The following PALLD variants were observed in gnomAD, a reference collection of about 807,000 sequenced individuals.
The protein encoded by PALLD is palladin, cytoskeletal associated protein, also known as palladin.
A neutral mutation model predicts 123.5 loss-of-function variants in PALLD; 61 were observed. The observed-to-expected ratio is 0.49, with a 90% CI of 0.40 to 0.61. PALLD has a LOEUF of 0.61. Ranked by LOEUF, PALLD falls within the 20% of genes least tolerant of loss-of-function variation. The probability of loss-of-function intolerance (pLI) is 0.00; values close to 1 mark genes in which losing one functional copy is unlikely to be tolerated. For synonymous variants in PALLD, 465 were observed against 496.4 expected, an observed-to-expected ratio of 0.94 and a Z score of 0.84; for missense variants, 1,273 against 1,377.0, an observed-to-expected ratio of 0.92 and a Z score of 1.20.
At chr4:168,839,570 G>C (rs539741911) in intron 10 of PALLD, among the ~76,000 whole-genome samples, 41 of 143,492 alleles carry the variant, frequency 2.9e-4, no homozygotes, top group South Asian at 7.3e-4. Flanking sequence ...GTGTTGGTGG[G>C]ATGGGAGGGG....
intron 2 of PALLD, among the ~76,000 whole-genome samples, chr4:168,590,116 T>A (rs58878360): frequency 0.099 from 15,065 of 152,324 alleles, 809 homozygotes; most frequent in Admixed American, 0.13. Context: ...GGCGGGGGGA[T>A]CACCTGAGGT....
chr4:168,560,402 A>G (rs1312896616), intron 2 of PALLD, among the ~76,000 whole-genome samples: 1 of 152,200 alleles, frequency 6.6e-6, no homozygotes, highest in Non-Finnish European at 1.5e-5. Context: ...ACTGTGCACA[A>G]TGTTGACAGT....
chr4:168,731,952 C>A lies in PALLD; in HGVS notation c.1964+20029C>A, dbSNP rs1674381789. Among the ~76,000 whole-genome samples the A allele has an allele frequency of 3.3e-5, 5 of 152,192 alleles. No individual in the cohort carries two copies. The South Asian group carries it at 1.0e-3, about 32-fold the overall frequency. On this transcript the variant is annotated intron_variant, in intron 10 of 21. Transcript: ENST00000505667. ...AATCATGCAGAAAACACTTAACAGA[C>A]CACTAGACAGAGGATTTTATGAGAC...
intron 3 of PALLD, among the ~76,000 whole-genome samples, chr4:168,673,462 A>G (rs3109205): frequency 0.37 from 56,025 of 152,152 alleles, 10,832 homozygotes; most frequent in African/African-American, 0.49. Context: ...TAACTGGAAC[A>G]TCAGGTGGAA....
intron 21 of PALLD, 61 bp downstream of exon 21, chr4:168,925,339 C>A: frequency 7.7e-7 from 1 of 1,291,050 alleles, no homozygotes; most frequent in Non-Finnish European, 1.1e-6. Flanking sequence ...CTTACATTGG[C>A]TAGTTAGTTG....
chr4:168,598,300 C>T (rs1772190193), intron 2 of PALLD: 1 of 419,092 alleles, frequency 2.4e-6, no homozygotes, highest in African/African-American at 2.1e-5. Flanking sequence ...AAACATCCTC[C>T]TCCTCATCAT....
intron 13 of PALLD, 103 bp downstream of exon 13, chr4:168,896,702 A>G (rs1755257133): frequency 2.9e-6 from 2 of 692,532 alleles, no homozygotes; most frequent in East Asian, 2.7e-5. Context: ...CCATATATTA[A>G]TTATAAATGC....
intron 2 of PALLD, among the ~76,000 whole-genome samples, chr4:168,583,540 G>A (rs987888528): frequency 9.2e-5 from 14 of 152,190 alleles, no homozygotes; most frequent in Admixed American, 3.9e-4. Flanking sequence ...TACATAGACC[G>A]TCATCTTCAT....
chr4:168,862,340 G>T (rs2151034719), intron 10 of PALLD, among the ~76,000 whole-genome samples: 1 of 151,728 alleles, frequency 6.6e-6, no homozygotes, highest in Admixed American at 6.6e-5. Flanking sequence ...CATAGACGAG[G>T]TTTCACTGTG....
In PALLD at chr4:168,602,690, G is replaced by C. The variant is rs116145385; in HGVS notation, c.909-65500G>C. 3.9e-3 allele frequency among the ~76,000 whole-genome samples: 597 copies of C among 152,244 alleles called. 7 individuals are homozygous for C. The highest frequency in any genetic ancestry group is 0.014 in the African/African-American group (570 of 41,524). ...AAATATAAATTACCTTAAAAGTAAG[G>C]GACTGTTAGTATCCACAGAACTGCA... On this transcript the variant is annotated intron_variant, in intron 2 of 21. Coordinates refer to ENST00000505667, the MANE Select transcript of PALLD (RefSeq NM_001166108.2).
intron 2 of PALLD, among the ~76,000 whole-genome samples, chr4:168,596,644 A>G (rs1227368963): frequency 6.6e-6 from 1 of 151,906 alleles, no homozygotes; most frequent in Non-Finnish European, 1.5e-5. Context: ...ACTTCTTGAC[A>G]AGGAAAATGC....
intron 10 of PALLD, among the ~76,000 whole-genome samples, chr4:168,718,957 G>C (rs548689390): frequency 5.3e-4 from 79 of 150,326 alleles, no homozygotes; most frequent in Non-Finnish European, 9.6e-4. Flanking sequence ...GCCCAGGCTG[G>C]AGTGCAGTGG....
At chr4:168,606,754 G>T (rs61603300) in intron 2 of PALLD, among the ~76,000 whole-genome samples, 18,455 of 151,900 alleles carry the variant, frequency 0.12, 1,516 homozygotes, top group African/African-American at 0.23. Context: ...GAGCTTGGTG[G>T]CTGAACACCC....
chr4:168,861,556 T>G (rs1040168244), intron 10 of PALLD, among the ~76,000 whole-genome samples: 33 of 152,214 alleles, frequency 2.2e-4, no homozygotes, highest in African/African-American at 6.5e-4. Flanking sequence ...ACCCTTTTGT[T>G]GTCTTATCTA....
chr4:168,686,658 A>G (rs1161254997), intron 6 of PALLD: 1 of 152,350 alleles, frequency 6.6e-6, no homozygotes, highest in Non-Finnish European at 1.5e-5. Flanking sequence ...TGCAGAGGTC[A>G]TGCTAATCTT....
At chr4:168,781,875 C>T (rs1735976877) in intron 10 of PALLD, among the ~76,000 whole-genome samples, 1 of 152,096 alleles carries the variant, frequency 6.6e-6, no homozygotes, top group African/African-American at 2.4e-5. Flanking sequence ...TACCCACTGA[C>T]TGATTTTGCC....
chr4:168,595,163 A>G (rs1404281846), intron 2 of PALLD, among the ~76,000 whole-genome samples: 1 of 152,160 alleles, frequency 6.6e-6, no homozygotes, highest in Admixed American at 6.5e-5. Context: ...CATGAGGATA[A>G]GTTGTGGTGG....
At chr4:168,764,511 G>A (rs1733390300) in intron 10 of PALLD, among the ~76,000 whole-genome samples, 2 of 151,964 alleles carry the variant, frequency 1.3e-5, no homozygotes, top group Admixed American at 6.6e-5. Flanking sequence ...TCAAATTCCT[G>A]GGCTCAAGAG....
intron 10 of PALLD, among the ~76,000 whole-genome samples, chr4:168,713,320 A>G (rs940443436): frequency 4.6e-5 from 7 of 152,228 alleles, no homozygotes; most frequent in Non-Finnish European, 1.0e-4. Flanking sequence ...GCAGCAACCC[A>G]TAAAATTAAT....
Sources: allele counts gnomAD v4.1 joint callset (sites outside exome capture counted in the v4.1 genomes callset), GRCh38; gene constraint gnomAD v4.1.1; transcripts MANE v1.5; gene names NCBI Gene and HGNC (gene_info 2026-07-23, HGNC 2026-07-21).